Variants in ATRNL1 observed in about 807,000 individuals in gnomAD.
The protein encoded by ATRNL1 is attractin like 1, also known as attractin-like protein 1.
In ATRNL1, 95 loss-of-function variants were observed where a neutral mutation model predicts 182.7. The ratio of observed to expected loss-of-function variants is 0.52; its 90% CI spans 0.44 to 0.62. ATRNL1 has a LOEUF of 0.62. ATRNL1 is among the 20% of genes least tolerant of loss of function. ATRNL1 has a pLI of 0.00. For synonymous variants in ATRNL1, 576 were observed against 568.3 expected, an observed-to-expected ratio of 1.01 and a Z score of -0.19; for missense variants, 1,471 against 1,679.5, an observed-to-expected ratio of 0.88 and a Z score of 2.17.
At chr10:115,926,910 AT>A (rs1314376073) in intron 28 of ATRNL1, among the ~76,000 whole-genome samples, 63 of 152,328 alleles carry the variant, frequency 4.1e-4, no homozygotes, top group African/African-American at 1.5e-3. Context: ...TCCCTAACTC[AT>A]TTTATGAAGC....
chr10:115,094,245 G>C (rs1368972459), intron 1 of ATRNL1, among the ~76,000 whole-genome samples: 1 of 151,980 alleles, frequency 6.6e-6, no homozygotes, highest in Non-Finnish European at 1.5e-5. Context: ...GGGAGAGCTC[G>C]GGCCCGCGCG....
At chr10:115,700,317 T>C (rs1555051136) in intron 26 of ATRNL1, among the ~76,000 whole-genome samples, 1 of 152,126 alleles carries the variant, frequency 6.6e-6, no homozygotes, top group Non-Finnish European at 1.5e-5. Flanking sequence ...ACTGTGTAAG[T>C]GTTTCTTTTT....
intron 10 of ATRNL1, among the ~76,000 whole-genome samples, chr10:115,264,805 A>T (rs1851538519): frequency 6.6e-6 from 1 of 151,636 alleles, no homozygotes; most frequent in Admixed American, 6.6e-5. Context: ...TTGTATGCAT[A>T]CATGTCATAT....
At chr10:115,188,023 T>C (rs1405958144) in intron 8 of ATRNL1, among the ~76,000 whole-genome samples, 3 of 122,326 alleles carry the variant, frequency 2.5e-5, no homozygotes, top group Non-Finnish European at 4.7e-5. Flanking sequence ...ACAGTAAGAA[T>C]GATGTATACA....
At chr10:115,625,630 T>C (rs191294131) in intron 26 of ATRNL1, among the ~76,000 whole-genome samples, 13 of 152,260 alleles carry the variant, frequency 8.5e-5, no homozygotes, top group Admixed American at 6.5e-4. Context: ...TATCTGTACA[T>C]AAATACAGAA....
At chr10:115,461,878 A>G in intron 21 of ATRNL1, 63 bp from the exon 22 acceptor site, 1 of 1,052,994 alleles carries the variant, frequency 9.5e-7, no homozygotes, top group South Asian at 1.5e-5. Context: ...TGTAACCTAA[A>G]TTTTGCTTTT....
chr10:115,213,416 G>A (rs782074080), intron 8 of ATRNL1, among the ~76,000 whole-genome samples: 13 of 152,076 alleles, frequency 8.5e-5, no homozygotes, highest in Admixed American at 6.6e-4. Context: ...CATTGGACTC[G>A]TGTTCAGTTT....
At chr10:115,632,867 T>C (rs1858605591) in intron 26 of ATRNL1, among the ~76,000 whole-genome samples, 1 of 142,670 alleles carries the variant, frequency 7.0e-6, no homozygotes, top group South Asian at 2.3e-4. Context: ...CATTAACTTT[T>C]TATTTTATTT....
intron 18 of ATRNL1, among the ~76,000 whole-genome samples, chr10:115,320,023 G>A (rs1238010276): frequency 6.6e-6 from 1 of 151,342 alleles, no homozygotes; most frequent in Non-Finnish European, 1.5e-5. Flanking sequence ...TTTTGTAGTG[G>A]TTGGTACTGC....
At chr10:115,942,473 T>C (rs1953759420) in intron 28 of ATRNL1, among the ~76,000 whole-genome samples, 1 of 152,206 alleles carries the variant, frequency 6.6e-6, no homozygotes, top group Non-Finnish European at 1.5e-5. Flanking sequence ...GGCTTGGCCC[T>C]CCCTTGACTC....
At chr10:115,143,481 C>T (rs1358826192) in intron 5 of ATRNL1, among the ~76,000 whole-genome samples, 1 of 151,862 alleles carries the variant, frequency 6.6e-6, no homozygotes, top group Non-Finnish European at 1.5e-5. Flanking sequence ...TTCTTCAAAG[C>T]ATAATATCTT....
chr10:115,369,295 G>C (rs190083217), intron 19 of ATRNL1, among the ~76,000 whole-genome samples: 6 of 150,408 alleles, frequency 4.0e-5, no homozygotes, highest in Non-Finnish European at 4.4e-5. Context: ...AAGGGGATTG[G>C]GGTTCTGTGA....
At chr10:115,779,588 A>G (rs1949212494) in intron 27 of ATRNL1, among the ~76,000 whole-genome samples, 1 of 152,302 alleles carries the variant, frequency 6.6e-6, no homozygotes, top group South Asian at 2.1e-4. Context: ...AGCTGAGATA[A>G]TTGGCACTTG....
At chr10:115,177,724 T>A (rs112697835) in intron 8 of ATRNL1, among the ~76,000 whole-genome samples, 21 of 151,828 alleles carry the variant, frequency 1.4e-4, no homozygotes, top group African/African-American at 4.8e-4. Flanking sequence ...ATCTGCCTGT[T>A]TTGACGTCCC....
At chr10:115,100,512 G>C (rs1415515322) in intron 1 of ATRNL1, among the ~76,000 whole-genome samples, 1 of 152,112 alleles carries the variant, frequency 6.6e-6, no homozygotes, top group Non-Finnish European at 1.5e-5. Flanking sequence ...GTTGAGAAGA[G>C]TATTCTTTCT....
At chr10:115,147,544 G>A (rs1239077597) in intron 5 of ATRNL1, among the ~76,000 whole-genome samples, 1 of 152,144 alleles carries the variant, frequency 6.6e-6, no homozygotes, top group African/African-American at 2.4e-5. Context: ...TCTTTGCCTA[G>A]GTCAATGTCT....
intron 8 of ATRNL1, among the ~76,000 whole-genome samples, chr10:115,176,071 C>T (rs967689518): frequency 2.6e-5 from 4 of 152,162 alleles, no homozygotes; most frequent in Non-Finnish European, 4.4e-5. Flanking sequence ...TGATGATGAG[C>T]ATTTCTTCAT....
chr10:115,798,854 C>T (rs1182659093), intron 27 of ATRNL1, among the ~76,000 whole-genome samples: 1 of 145,794 alleles, frequency 6.9e-6, no homozygotes, highest in Admixed American at 6.9e-5. Context: ...TGAGTCGGAG[C>T]CTCGCTCTGT....
intron 26 of ATRNL1, among the ~76,000 whole-genome samples, chr10:115,608,524 G>T (rs1443874838): frequency 1.3e-5 from 2 of 151,958 alleles, no homozygotes; most frequent in African/African-American, 4.8e-5. Context: ...AATAGGCCAA[G>T]TATATCACAG....
Sources: allele counts gnomAD v4.1 joint callset (sites outside exome capture counted in the v4.1 genomes callset), GRCh38; gene constraint gnomAD v4.1.1; transcripts MANE v1.5; gene names NCBI Gene and HGNC (gene_info 2026-07-23, HGNC 2026-07-21).